The following NARS2 variants were observed in gnomAD, a reference collection of about 807,000 sequenced individuals.
NARS2 encodes the protein asparaginyl-tRNA synthetase 2, mitochondrial, also known as asparaginyl-tRNA synthetase.
Under a neutral mutation model 62.9 loss-of-function variants are expected in NARS2, and 60 were observed. The observed-to-expected ratio is 0.95, with a 90% CI of 0.77 to 1.18. The LOEUF (loss-of-function observed/expected upper bound fraction) is 1.18. Among genes scored for constraint, NARS2 ranks in the 50% most tolerant of loss-of-function variants. The probability of loss-of-function intolerance (pLI) is 0.00; values close to 1 mark genes in which losing one functional copy is unlikely to be tolerated. For synonymous variants in NARS2, 196 were observed against 200.0 expected (o/e 0.98, Z 0.17); for missense variants, 619 against 576.4 (o/e 1.07, Z -0.76).
chr11:78,501,821 T>A (rs1479276593), intron 6 of NARS2, among the ~76,000 whole-genome samples: 3 of 152,204 alleles, frequency 2.0e-5, no homozygotes, highest in Non-Finnish European at 4.4e-5. Flanking sequence ...ATGACCCAAC[T>A]ATTTCCTCCT....
intron 7 of NARS2, among the ~76,000 whole-genome samples, chr11:78,484,839 T>C (rs187040921): frequency 3.3e-5 from 5 of 152,176 alleles, no homozygotes; most frequent in Non-Finnish European, 7.3e-5. Flanking sequence ...TTCTCAAGAA[T>C]CTAGAACCAG....
rs1167632307 is a variant in NARS2, at chr11:78,479,879, G to A, written c.823-1196C>T. On this transcript the variant is annotated intron_variant, in intron 7 of 13. Coordinates refer to ENST00000281038, the MANE Select transcript of NARS2 (RefSeq NM_024678.6). The stretch of plus-strand genomic sequence containing the variant: ...CCAGTGACAACCAGATCTATTTCAT[G>A]ATGTTTCAGTCATTGTTAGTGTTAT... Among the ~76,000 whole-genome samples the A allele has an allele frequency of 3.3e-5, 5 of 152,120 alleles. 1 individual carries two copies. The highest frequency in any genetic ancestry group is 6.6e-5 in the Admixed American group (1 of 15,258).
intron 11 of NARS2, among the ~76,000 whole-genome samples, chr11:78,454,109 T>C (rs2135172722): frequency 6.6e-6 from 1 of 151,658 alleles, no homozygotes; most frequent in African/African-American, 2.4e-5. Flanking sequence ...CACTTATGAG[T>C]TCCTCCACTT....
chr11:78,468,975 C>T (rs1414044158), intron 10 of NARS2, among the ~76,000 whole-genome samples: 1 of 151,954 alleles, frequency 6.6e-6, no homozygotes, highest in Non-Finnish European at 1.5e-5. Context: ...TTAGAATTTT[C>T]ATCTTCCTAA....
At chr11:78,460,258 C>T (rs1858342806) in intron 11 of NARS2, among the ~76,000 whole-genome samples, 1 of 147,248 alleles carries the variant, frequency 6.8e-6, no homozygotes, top group South Asian at 2.1e-4. Context: ...AGAGTGACAA[C>T]ATGATTGGGT....
chr11:78,440,957 CCCTGA>C, intron 13 of NARS2, 129 bp downstream of exon 13: 1 of 735,006 alleles, frequency 1.4e-6, no homozygotes. Context: ...CCAACCCCTT[CCCTGA>C]CCTAAGAACA....
chr11:78,469,362 G>A (rs1288884496), intron 9 of NARS2, 49 bp from the exon 10 acceptor site: 3 of 1,369,810 alleles, frequency 2.2e-6, no homozygotes, highest in Non-Finnish European at 3.1e-6. Context: ...CAATGGAGCT[G>A]CTAACTAGTT....
intron 7 of NARS2, among the ~76,000 whole-genome samples, chr11:78,485,744 G>A (rs1264855481): frequency 1.3e-5 from 2 of 152,068 alleles, no homozygotes; most frequent in East Asian, 3.9e-4. Context: ...CCCCAGTTGT[G>A]GAGTGGCACT....
chr11:78,557,211 C>T (rs987088952), intron 5 of NARS2, among the ~76,000 whole-genome samples: 8 of 152,260 alleles, frequency 5.3e-5, no homozygotes, highest in African/African-American at 1.9e-4. Context: ...CTTAAAGCTG[C>T]CCTCTTATCT....
intron 6 of NARS2, among the ~76,000 whole-genome samples, chr11:78,508,798 G>C (rs1202197620): frequency 6.6e-6 from 1 of 152,046 alleles, no homozygotes; most frequent in Non-Finnish European, 1.5e-5. Context: ...TAGGAAGAGA[G>C]AAGCAACTCA....
intron 4 of NARS2, among the ~76,000 whole-genome samples, chr11:78,565,850 T>A (rs896653623): frequency 1.3e-5 from 2 of 152,166 alleles, no homozygotes; most frequent in Non-Finnish European, 2.9e-5. Context: ...TGAGCACTGC[T>A]ACAGACCTGC....
intron 5 of NARS2, among the ~76,000 whole-genome samples, chr11:78,535,722 C>T (rs74789212): frequency 0.015 from 2,220 of 151,952 alleles, 50 homozygotes; most frequent in African/African-American, 0.051. Flanking sequence ...CTCTGCCCCG[C>T]CAGGTTCAAG....
chr11:78,459,517 G>A lies in NARS2; in HGVS notation c.1164+6359C>T, dbSNP rs1047476425. 1.8e-4 allele frequency among the ~76,000 whole-genome samples: 27 copies of A among 151,870 alleles called. 1 individual carries two copies. The highest frequency in any genetic ancestry group is 6.3e-4 in the African/African-American group (26 of 41,238). Reference sequence around the variant, plus strand: ...ATCCCCTGCCTCAGGTGATCCACCCGCCTCGGCCTCCCAAAGTGCTGGGAT... The same window carrying A: ...ATCCCCTGCCTCAGGTGATCCACCCACCTCGGCCTCCCAAAGTGCTGGGAT... On this transcript the variant is annotated intron_variant, in intron 11 of 13. Coordinates refer to ENST00000281038, the MANE Select transcript of NARS2 (RefSeq NM_024678.6).
At chr11:78,495,247 C>A (rs1357506756) in intron 6 of NARS2, among the ~76,000 whole-genome samples, 1 of 152,136 alleles carries the variant, frequency 6.6e-6, no homozygotes, top group African/African-American at 2.4e-5. Flanking sequence ...ACTCTGAAGA[C>A]CTTCTCCTTT....
intron 5 of NARS2, among the ~76,000 whole-genome samples, chr11:78,540,521 C>G (rs1565269375): frequency 6.6e-6 from 1 of 152,192 alleles, no homozygotes; most frequent in Non-Finnish European, 1.5e-5. Flanking sequence ...AACACCCAAT[C>G]TATTTTTATC....
rs889515435 is a variant in NARS2 at position 78,437,031 on chromosome 11, C to T, written c.1290-217G>A. Among the ~76,000 whole-genome samples, 25 of 152,186 alleles carry T rather than the reference C, an allele frequency of 1.6e-4. 1 individual carries two copies. Among genetic ancestry groups the T allele is most frequent in the African/African-American group, 6.0e-4 (25 of 41,446 alleles). ...AGAAACAGCAGTGGATCCTGTCATA[C>T]AGTCATGGGCTTTGGTCCCTTTTCC... On this transcript the variant is annotated intron_variant, in intron 13 of 13. Coordinates refer to ENST00000281038, the MANE Select transcript of NARS2 (RefSeq NM_024678.6).
chr11:78,483,783 G>T (rs1859456684), intron 7 of NARS2, among the ~76,000 whole-genome samples: 1 of 152,152 alleles, frequency 6.6e-6, no homozygotes, highest in Non-Finnish European at 1.5e-5. Flanking sequence ...TCATGGACAG[G>T]AAGAATCAAT....
chr11:78,500,655 A>AT (rs1276097666), intron 6 of NARS2, among the ~76,000 whole-genome samples: 1 of 152,128 alleles, frequency 6.6e-6, no homozygotes, highest in African/African-American at 2.4e-5. Flanking sequence ...AAATTTTTTT[A>AT]TAGATGGGGG....
intron 6 of NARS2, among the ~76,000 whole-genome samples, chr11:78,508,285 G>C (rs1436296872): frequency 6.6e-6 from 1 of 152,122 alleles, no homozygotes; most frequent in South Asian, 2.1e-4. Context: ...TGGGAGTCTC[G>C]AAAGGAGAAG....
Sources: gnomAD v4.1 joint callset for allele counts (sites outside exome capture counted in the v4.1 genomes callset) on GRCh38, gnomAD v4.1.1 for gene constraint, MANE v1.5 for transcripts, NCBI Gene and HGNC (gene_info 2026-07-23, HGNC 2026-07-21) for gene names.